The following CTNNA3 variants were observed in gnomAD, a reference collection of about 807,000 sequenced individuals.
CTNNA3 encodes the protein catenin alpha-3.
CTNNA3 carries 76 observed loss-of-function variants against 95.7 expected under a neutral mutation model. The ratio of observed to expected loss-of-function variants is 0.79; its 90% confidence interval spans 0.66 to 0.96. The LOEUF is 0.96. Ranked by LOEUF, CTNNA3 falls within the 40% of genes least tolerant of loss-of-function variation. The pLI is 0.00. For missense variants in CTNNA3, 1,191 were observed against 1,089.8 expected, an observed-to-expected ratio of 1.09 and a Z score of -1.31; for synonymous variants, 431 against 374.4, an observed-to-expected ratio of 1.15 and a Z score of -1.74.
intron 5 of CTNNA3, among the ~76,000 whole-genome samples, chr10:67,292,084 C>T (rs1354240351): frequency 6.6e-6 from 1 of 152,170 alleles, no homozygotes; most frequent in African/African-American, 2.4e-5. Context: ...CTGAGCATGC[C>T]TTTCTTCCTT....
At chr10:67,688,291 G>A (rs1239207300) in intron 1 of CTNNA3, among the ~76,000 whole-genome samples, 2 of 152,066 alleles carry the variant, frequency 1.3e-5, no homozygotes, top group African/African-American at 4.8e-5. Context: ...GGTTTTTGTG[G>A]TCCTTTGGAG....
chr10:66,379,277 G>T lies in CTNNA3; in HGVS notation c.1607C>A (p.Ala536Asp), dbSNP rs1261675298. Residue 536 changes from alanine to aspartate, a missense_variant, in exon 12 of 18, where the codon GCT becomes GAT. Transcript: ENST00000433211. ...RDQDADNLDR[A>D]AGAIRGRAAR... is the part of the protein sequence containing the mutation. The stretch of plus-strand genomic sequence containing the variant: ...TGCCCGGCCTCTGATAGCACCCGCA[G>T]CACGGTCTAAATTATCAGCATCCTG... The T allele has an allele frequency of 6.2e-7, 1 of 1,614,004 alleles. No homozygotes were observed. The highest frequency in any genetic ancestry group is 8.5e-7 in the Non-Finnish European group (1 of 1,179,988).
chr10:67,509,868 T>C (rs1033734986), intron 5 of CTNNA3, among the ~76,000 whole-genome samples: 1 of 152,236 alleles, frequency 6.6e-6, no homozygotes, highest in African/African-American at 2.4e-5. Flanking sequence ...TTCCTGACTT[T>C]TTAATGACTG....
intron 12 of CTNNA3, among the ~76,000 whole-genome samples, chr10:66,321,781 T>C (rs551044398): frequency 1.3e-5 from 2 of 152,288 alleles, no homozygotes; most frequent in African/African-American, 4.8e-5. Context: ...CTTTGTCCAC[T>C]GCTACGAAAA....
chr10:67,646,188 T>TC (rs1266802000), intron 2 of CTNNA3, among the ~76,000 whole-genome samples: 1 of 110,736 alleles, frequency 9.0e-6, no homozygotes, highest in Non-Finnish European at 1.7e-5. Flanking sequence ...TTTTCTTTCT[T>TC]TTTTTTTTTT....
rs538173802 is a variant in CTNNA3 at position 66,002,131 on chromosome 10, T to C, written c.2160-13334A>G. Among the ~76,000 whole-genome samples the C allele has an allele frequency of 3.0e-4, 46 of 152,252 alleles. 1 individual carries two copies. The South Asian group carries it at 9.5e-3, about 32-fold the overall frequency. On this transcript the variant is annotated intron_variant, in intron 15 of 17. Coordinates refer to ENST00000433211, the MANE Select transcript of CTNNA3 (RefSeq NM_013266.4). ...CAGAATTCCCTTACTTATAATTCTG[T>C]ATTAGATAAAAAAGAAAAAAAGTAG... is the stretch of plus-strand genomic sequence containing the variant.
intron 5 of CTNNA3, among the ~76,000 whole-genome samples, chr10:67,435,988 G>A (rs1846287825): frequency 6.6e-6 from 1 of 151,904 alleles, no homozygotes; most frequent in African/African-American, 2.4e-5. Flanking sequence ...AAATTCATAT[G>A]GAACCAAAAA....
intron 11 of CTNNA3, among the ~76,000 whole-genome samples, chr10:66,393,021 T>A (rs1011802213): frequency 2.0e-5 from 3 of 152,090 alleles, no homozygotes; most frequent in East Asian, 3.9e-4. Flanking sequence ...GATGAATGGA[T>A]AAACTGGAAC....
chr10:66,066,091 A>C (rs1348745218), intron 15 of CTNNA3, among the ~76,000 whole-genome samples: 1 of 151,962 alleles, frequency 6.6e-6, no homozygotes, highest in Non-Finnish European at 1.5e-5. Context: ...TCGAACTCCC[A>C]ACCTCTGGTG....
chr10:66,035,829 G>GA (rs770366440), intron 15 of CTNNA3, among the ~76,000 whole-genome samples: 1 of 152,248 alleles, frequency 6.6e-6, no homozygotes, highest in East Asian at 1.9e-4. Flanking sequence ...AGAAATGAAA[G>GA]ATGGGCTTAT....
At chr10:66,061,701 T>C (rs1192920983) in intron 15 of CTNNA3, among the ~76,000 whole-genome samples, 1 of 152,104 alleles carries the variant, frequency 6.6e-6, no homozygotes, top group Non-Finnish European at 1.5e-5. Flanking sequence ...GACTCATTCC[T>C]ACCTGCTGGC....
chr10:67,035,891 G>T (rs1329329709), intron 7 of CTNNA3, among the ~76,000 whole-genome samples: 1 of 152,144 alleles, frequency 6.6e-6, no homozygotes, highest in Non-Finnish European at 1.5e-5. Flanking sequence ...GCCAACATTA[G>T]AATTTTAATT....
intron 11 of CTNNA3, among the ~76,000 whole-genome samples, chr10:66,421,285 G>T (rs1272591055): frequency 6.6e-6 from 1 of 152,166 alleles, no homozygotes; most frequent in Non-Finnish European, 1.5e-5. Context: ...AGGGTGAAGA[G>T]AGGTAGGTTA....
intron 7 of CTNNA3, 122 bp downstream of exon 7, chr10:67,180,195 C>A: frequency 1.2e-6 from 1 of 838,548 alleles, no homozygotes; most frequent in Non-Finnish European, 1.9e-6. Flanking sequence ...AGAAAATCAA[C>A]CTATGTAAAA....
intron 13 of CTNNA3, among the ~76,000 whole-genome samples, chr10:66,107,759 T>A (rs1402618812): frequency 1.3e-5 from 2 of 151,808 alleles, no homozygotes; most frequent in African/African-American, 2.4e-5. Context: ...TATAAATATT[T>A]AATATTAAAA....
At position 65,956,420 on chromosome 10, in the gene CTNNA3, C is replaced by A. The variant is rs531682291; in HGVS notation, c.2400+10192G>T. ...CTGCTCTGATCTTAGTTATTCTTGC[C>A]TTCTGCTAGATTTTGAATGTGTTTG... On this transcript the variant is annotated intron_variant, in intron 17 of 17. Coordinates refer to ENST00000433211, the MANE Select transcript of CTNNA3 (RefSeq NM_013266.4). Among the ~76,000 whole-genome samples the A allele has an allele frequency of 4.5e-4, 69 of 152,200 alleles. No homozygotes were observed. The South Asian group carries it at 0.014, about 31-fold the overall frequency.
At chr10:66,019,027 A>C (rs2079148518) in intron 15 of CTNNA3, among the ~76,000 whole-genome samples, 1 of 152,186 alleles carries the variant, frequency 6.6e-6, no homozygotes, top group African/African-American at 2.4e-5. Flanking sequence ...ATGTATAACC[A>C]AGACAGATAT....
intron 5 of CTNNA3, among the ~76,000 whole-genome samples, chr10:67,402,914 C>T (rs1047037124): frequency 3.9e-5 from 6 of 152,172 alleles, no homozygotes; most frequent in East Asian, 3.9e-4. Context: ...GGAAGGGGGC[C>T]GAATCCAGGG....
intron 5 of CTNNA3, among the ~76,000 whole-genome samples, chr10:67,368,862 G>T (rs1177074620): frequency 6.6e-6 from 1 of 152,200 alleles, no homozygotes; most frequent in Non-Finnish European, 1.5e-5. Flanking sequence ...AGGAGGAAGA[G>T]AGACACAGGA....
Sources: gnomAD v4.1 joint callset for allele counts (sites outside exome capture counted in the v4.1 genomes callset) on GRCh38, gnomAD v4.1.1 for gene constraint, MANE v1.5 for transcripts, NCBI Gene and HGNC (gene_info 2026-07-23, HGNC 2026-07-21) for gene names.